Variants in REPS2 observed in about 807,000 individuals in gnomAD.
REPS2 encodes the protein RALBP1 associated Eps domain containing 2, also known as ralBP1-associated Eps domain-containing protein 2.
A neutral mutation model predicts 53.6 loss-of-function variants in REPS2; 23 were observed. That is an observed-to-expected ratio of 0.43 (90% confidence interval 0.31 to 0.61). The LOEUF (loss-of-function observed/expected upper bound fraction) is 0.61, where lower values mean the gene tolerates loss of function less well. REPS2 is among the 20% of genes least tolerant of loss of function. The probability of loss-of-function intolerance (pLI) is 0.11; values close to 1 mark genes in which losing one functional copy is unlikely to be tolerated. For missense variants in REPS2, 446 were observed against 534.9 expected (o/e 0.83, Z 1.64); for synonymous variants, 238 against 218.6 (o/e 1.09, Z -0.78).
At chrX:17,114,541 CTTAAAA>C (rs766499037) in intron 14 of REPS2, among the ~76,000 whole-genome samples, 3 of 110,647 alleles carry the variant, frequency 2.7e-5, no homozygotes, top group Non-Finnish European at 5.7e-5. Flanking sequence ...AAAATTTTGT[CTTAAAA>C]TTAAGGATTG....
At chrX:16,977,301 A>G (rs1484480122) in intron 1 of REPS2, among the ~76,000 whole-genome samples, 1 of 111,159 alleles carries the variant, frequency 9.0e-6, no homozygotes. Context: ...CTGCCTGAGT[A>G]TTAAGGATGG....
chrX:16,989,320 A>G (rs962604570), intron 1 of REPS2, among the ~76,000 whole-genome samples: 1 of 111,859 alleles, frequency 8.9e-6, no homozygotes, highest in Non-Finnish European at 1.9e-5. Context: ...ATGTATCACA[A>G]ACTTCAATGT....
the REPS2 span, among the ~76,000 whole-genome samples, chrX:17,165,927 C>T: frequency 9.0e-6 from 1 of 111,559 alleles, no homozygotes; most frequent in South Asian, 3.9e-4. Context: ...AAGAGATGTT[C>T]TTGCATTTGC....
rs1200990119 is a variant in REPS2 at position 17,145,322 on chromosome X, TG to T, written c.1915-2090del. ...GCTTTGAAGACCATCCATAAACTAATGAAACCTAATTTATGTCTCAAGCCCT... is the reference window on the plus strand; with the variant it reads ...GCTTTGAAGACCATCCATAAACTAATAAACCTAATTTATGTCTCAAGCCCT... On this transcript the variant is annotated intron_variant, in intron 17 of 17. Transcript: ENST00000357277. Among the ~76,000 whole-genome samples, 6 of 111,614 alleles carry T rather than the reference TG, an allele frequency of 5.4e-5. 1 individual carries two copies. Among genetic ancestry groups the T allele is most frequent in the African/African-American group, 2.0e-4 (6 of 30,605 alleles).
At chrX:17,140,245 T>A (rs1473265486) in intron 17 of REPS2, among the ~76,000 whole-genome samples, 1 of 111,678 alleles carries the variant, frequency 9.0e-6, no homozygotes, top group Non-Finnish European at 1.9e-5. Flanking sequence ...TGTTTTAATA[T>A]TATTATTTTT....
intron 14 of REPS2, among the ~76,000 whole-genome samples, chrX:17,112,309 G>C (rs752354508): frequency 9.0e-6 from 1 of 111,445 alleles, no homozygotes; most frequent in East Asian, 2.8e-4. Context: ...GCATGACAGT[G>C]AACTAGAGAC....
chrX:17,072,451 C>T (rs1880251098), intron 11 of REPS2, among the ~76,000 whole-genome samples: 1 of 111,382 alleles, frequency 9.0e-6, no homozygotes, highest in South Asian at 3.8e-4. Flanking sequence ...TGTCTCTCCA[C>T]TACTCATCCA....
chrX:16,986,141 T>C (rs1235095083), intron 1 of REPS2, among the ~76,000 whole-genome samples: 1 of 112,190 alleles, frequency 8.9e-6, no homozygotes, highest in African/African-American at 3.2e-5. Flanking sequence ...ATTGTGCTTT[T>C]ACCTTTGGGA....
At chrX:17,196,210 A>G in the REPS2 span, among the ~76,000 whole-genome samples, 1 of 111,857 alleles carries the variant, frequency 8.9e-6, no homozygotes, top group African/African-American at 3.3e-5. Context: ...AATTTCAACT[A>G]GATTTTTTAA....
intron 14 of REPS2, among the ~76,000 whole-genome samples, chrX:17,104,157 G>A (rs986478447): frequency 1.8e-5 from 2 of 111,778 alleles, no homozygotes; most frequent in South Asian, 3.8e-4. Flanking sequence ...TACTTTAGGA[G>A]CTATGTTAAT....
intron 3 of REPS2, 93 bp from the exon 4 acceptor site, chrX:17,024,966 C>CCCA: frequency 3.5e-6 from 4 of 1,151,446 alleles, no homozygotes; most frequent in Non-Finnish European, 4.7e-6. Context: ...CCAGCTGGGT[C>CCCA]ACCAGCAGTA....
At chrX:17,131,404 C>G (rs2063290219) in intron 14 of REPS2, among the ~76,000 whole-genome samples, 1 of 111,102 alleles carries the variant, frequency 9.0e-6, no homozygotes, top group African/African-American at 3.3e-5. Context: ...TGGGAACTAG[C>G]CATTTCAGTG....
chrX:17,106,196 G>C (rs2062871619), intron 14 of REPS2, among the ~76,000 whole-genome samples: 1 of 111,414 alleles, frequency 9.0e-6, no homozygotes, highest in South Asian at 3.8e-4. Context: ...GAATAGGCAA[G>C]CAGAGAGCCA....
chrX:17,091,756 C>CTG (rs112073934), intron 13 of REPS2, among the ~76,000 whole-genome samples: 2,799 of 111,600 alleles, frequency 0.025, 92 homozygotes, highest in African/African-American at 0.087. Context: ...ATGTCCATCA[C>CTG]TGTATGCTGG....
chrX:17,066,182 A>G (rs1217833023), intron 9 of REPS2, among the ~76,000 whole-genome samples: 1 of 111,989 alleles, frequency 8.9e-6, no homozygotes, highest in Non-Finnish European at 1.9e-5. Flanking sequence ...TTAGATTTGT[A>G]GTAAGTTTTG....
chrX:17,100,086 T>G (rs948524827), intron 13 of REPS2: 2 of 1,066,263 alleles, frequency 1.9e-6, no homozygotes, highest in Non-Finnish European at 1.3e-6. Context: ...TCCCTCTGAT[T>G]TGTCTATCTC....
At chrX:17,075,211 T>C (rs2062362787) in intron 12 of REPS2, among the ~76,000 whole-genome samples, 1 of 112,354 alleles carries the variant, frequency 8.9e-6, no homozygotes, top group Non-Finnish European at 1.9e-5. Flanking sequence ...ATGGATCTTT[T>C]ACAAACTAGT....
At chrX:16,994,038 G>A (rs2061195153) in intron 1 of REPS2, among the ~76,000 whole-genome samples, 1 of 112,316 alleles carries the variant, frequency 8.9e-6, no homozygotes, top group Non-Finnish European at 1.9e-5. Context: ...CTGAATATTG[G>A]ATGCCTCCAC....
the REPS2 span, among the ~76,000 whole-genome samples, chrX:17,186,475 C>G: frequency 1.8e-5 from 2 of 111,834 alleles, no homozygotes; most frequent in Non-Finnish European, 3.8e-5. Flanking sequence ...AACTGAAGCC[C>G]GAAGTTATAG....
Sources: gnomAD v4.1 joint callset for allele counts (sites outside exome capture counted in the v4.1 genomes callset) on GRCh38, gnomAD v4.1.1 for gene constraint, MANE v1.5 for transcripts, NCBI Gene and HGNC (gene_info 2026-07-23, HGNC 2026-07-21) for gene names.